Variants in FAM149A observed in about 807,000 individuals in gnomAD.
FAM149A encodes the protein protein FAM149A.
A neutral mutation model predicts 78.2 loss-of-function variants in FAM149A; 71 were observed. That is an observed-to-expected ratio of 0.91 (90% CI 0.75 to 1.11). FAM149A has a LOEUF of 1.11. Among genes scored for constraint, FAM149A ranks in the 50% least tolerant of loss-of-function variants. FAM149A has a pLI of 0.00. For missense variants in FAM149A, 1,036 were observed against 971.0 expected, an observed-to-expected ratio of 1.07 and a Z score of -0.89; for synonymous variants, 446 against 410.5, an observed-to-expected ratio of 1.09 and a Z score of -1.04.
At position 186,166,953 on chromosome 4, in the gene FAM149A, C is replaced by T. The variant is rs200091008; in HGVS notation, c.2011-15C>T. 1.2e-6 allele frequency: 2 copies of T among 1,607,458 alleles called. No homozygotes were observed. Among genetic ancestry groups the T allele is most frequent in the South Asian group, 2.2e-5 (2 of 89,892 alleles). On this transcript the variant is annotated splice_polypyrimidine_tract_variant and intron_variant, in intron 11 of 13. Coordinates refer to ENST00000389354, the MANE Select transcript of FAM149A (RefSeq NM_001367768.3). ...TGCATTTATTTTAAACAAGAACATA[C>T]TATCCTTCATTTAGTACAGAGGAAG...
chr4:186,147,926 A>G (rs1443003280), intron 1 of FAM149A, among the ~76,000 whole-genome samples: 2 of 152,302 alleles, frequency 1.3e-5, no homozygotes, highest in Admixed American at 6.5e-5. Context: ...AGCAACAAAG[A>G]GAATAAAAAC....
chr4:186,166,649 T>TA (rs76402174), intron 11 of FAM149A, among the ~76,000 whole-genome samples: 69,607 of 104,476 alleles, frequency 0.67, 24,992 homozygotes, highest in Non-Finnish European at 0.81. Context: ...AGACTCTGTT[T>TA]AAAAAAAAAA....
At chr4:186,116,347 C>T in intron 1 of FAM149A, 1 of 421,106 alleles carries the variant, frequency 2.4e-6, no homozygotes, top group Non-Finnish European at 3.2e-6. Flanking sequence ...CAGAAATCAC[C>T]CGTCTTCTGT....
rs1735583373 is a variant in FAM149A at position 186,172,067 on chromosome 4, A to G, written c.*80A>G. ...CTTGAAAAATGGAGGAACAAGTGTT[A>G]TATTTATCTGTGTGTCTGACAGTGT... is the stretch of plus-strand genomic sequence containing the variant. On this transcript the variant is annotated 3_prime_UTR_variant, in exon 14 of 14. Transcript: ENST00000389354. 6.4e-7 allele frequency: 1 copy of G among 1,563,906 alleles called. No homozygotes were observed. The highest frequency in any genetic ancestry group is 8.6e-7 in the Non-Finnish European group (1 of 1,158,904).
Position 186,105,462 on chromosome 4 carries a change from CGCCCTCGG to C in FAM149A, c.391_398del (p.Ser131ArgfsTer40). On this transcript the variant is annotated frameshift_variant, in exon 1 of 14. Coordinates refer to ENST00000389354, the MANE Select transcript of FAM149A (RefSeq NM_001367768.3). LOFTEE classifies it high-confidence loss of function. ...GCTCGCCTGGTGGTCCCAGCGCGGC[CGCCCTCGG>C]GCCCCGGCGGGGTCTGGGCCGCGCT... 1 of 1,214,484 alleles carries C rather than the reference CGCCCTCGG, an allele frequency of 8.2e-7. No individual in the cohort carries two copies. The highest frequency in any genetic ancestry group is 1.0e-6 in the Non-Finnish European group (1 of 958,076). The allele number at this position is 1,214,484 out of a possible 1,614,324, so 75.2% of individuals were successfully genotyped here. A position where few individuals can be genotyped will look rare whatever the true frequency, so the allele number is the denominator to read the frequency against.
At chr4:186,135,397 C>G (rs775222780) in intron 1 of FAM149A, among the ~76,000 whole-genome samples, 1 of 152,096 alleles carries the variant, frequency 6.6e-6, no homozygotes, top group Non-Finnish European at 1.5e-5. Flanking sequence ...AGGTAATAAT[C>G]AGTTCTCATT....
chr4:186,172,676 T>G lies in FAM149A; in HGVS notation c.*689T>G, dbSNP rs1735615032. The G allele has an allele frequency of 1.8e-5, 2 of 112,098 alleles. 1 individual carries two copies. 6.9% of individuals were successfully genotyped at this position (112,098 alleles called of 1,614,324 possible). A position where few individuals can be genotyped will look rare whatever the true frequency, so the allele number is the denominator to read the frequency against. ...CAATTAAAAGCTATGGCAGGTGATGTCATCTTTATTGTTTACAGTCGAAGC... is the reference window on the plus strand; with the variant it reads ...CAATTAAAAGCTATGGCAGGTGATGGCATCTTTATTGTTTACAGTCGAAGC... On this transcript the variant is annotated 3_prime_UTR_variant, in exon 14 of 14. Coordinates refer to ENST00000389354, the MANE Select transcript of FAM149A (RefSeq NM_001367768.3).
At chr4:186,130,954 A>G (rs541036694) in intron 1 of FAM149A, among the ~76,000 whole-genome samples, 1 of 152,224 alleles carries the variant, frequency 6.6e-6, no homozygotes, top group South Asian at 2.1e-4. Context: ...CCAAGTTCCT[A>G]TGTTAAGCCC....
chr4:186,161,347 G>A (rs954981177), intron 8 of FAM149A, among the ~76,000 whole-genome samples: 2 of 152,172 alleles, frequency 1.3e-5, no homozygotes, highest in Non-Finnish European at 2.9e-5. Context: ...AGACTGAAGG[G>A]ACACAGGCCT....
At chr4:186,136,963 TTTCTCTCTCTCTTTCTCTC>T (rs2099323192) in intron 1 of FAM149A, among the ~76,000 whole-genome samples, 18 of 103,354 alleles carry the variant, frequency 1.7e-4, no homozygotes, top group South Asian at 3.3e-4. Context: ...TCTCTCTCTC[TTTCTCTCTCTCTTTCTCTC>T]TCTCTCTCTC....
At position 186,105,113 on chromosome 4, in the gene FAM149A, G is replaced by T; in HGVS notation, c.37G>T (p.Ala13Ser). 3 of 1,281,726 alleles carry T rather than the reference G, an allele frequency of 2.3e-6. No homozygotes were observed. Among genetic ancestry groups the T allele is most frequent in the Non-Finnish European group, 3.0e-6 (3 of 985,498 alleles). 79.4% of individuals were successfully genotyped at this position (1,281,726 alleles called of 1,614,324 possible). A position where few individuals can be genotyped will look rare whatever the true frequency, so the allele number is the denominator to read the frequency against. Residue 13 changes from alanine (A) to serine (S), a missense_variant, in exon 1 of 14, where the codon GCC (alanine) becomes TCC (serine). This residue lies in a region of FAM149A where 316 missense variants were observed against 241.9 expected (regional missense o/e 1.31). Transcript: ENST00000389354. ...TGTGCTGGACCTTGGGTCTCTCTTG[G>T]CCAAACTCTTCGAGACCTCGACGGC... is the stretch of plus-strand genomic sequence containing the variant.
rs149745987 is a variant in FAM149A, at chr4:186,156,080, G to A, written c.1310G>A (p.Arg437His). 2.2e-3 allele frequency: 3,548 copies of A among 1,613,922 alleles called. 4 individuals carry two copies. Among genetic ancestry groups the A allele is most frequent in the Non-Finnish European group, 2.5e-3 (2,986 of 1,179,868 alleles). ...CTCGGACTTCCTCCTGTTTCCCCGC[G>A]TGACTGTGTCAAAGATGCCGTGGCA... is the stretch of plus-strand genomic sequence containing the variant. Residue 437 changes from arginine (R) to histidine (H), a missense_variant, in exon 7 of 14, where the codon CGT becomes CAT. Coordinates refer to ENST00000389354, the MANE Select transcript of FAM149A (RefSeq NM_001367768.3).
intron 1 of FAM149A, among the ~76,000 whole-genome samples, chr4:186,106,338 C>T (rs2150073437): frequency 6.6e-6 from 1 of 152,288 alleles, no homozygotes; most frequent in East Asian, 1.9e-4. Flanking sequence ...CCTTTCACTT[C>T]CAAGAGTCGT....
chr4:186,117,383 A>T (rs1024940455), intron 1 of FAM149A: 179 of 960,530 alleles, frequency 1.9e-4, no homozygotes, highest in Non-Finnish European at 2.1e-4. Flanking sequence ...TCTTATGAAA[A>T]AGCAGGAAAA....
chr4:186,105,491 G>T lies in FAM149A; in HGVS notation c.415G>T (p.Ala139Ser). 1 of 1,200,242 alleles carries T rather than the reference G, an allele frequency of 8.3e-7. No individual in the cohort carries two copies. 74.3% of individuals were successfully genotyped at this position (1,200,242 alleles called of 1,614,324 possible). ...CTCGGGCCCCGGCGGGGTCTGGGCC[G>T]CGCTCCCCAGGAACCCGCTCCAGCC... is the stretch of plus-strand genomic sequence containing the variant. Residue 139 changes from alanine (A) to serine (S), a missense_variant, in exon 1 of 14, where the codon GCG becomes TCG. Ala to Ser is a moderately conservative substitution (Grantham distance 99). Transcript: ENST00000389354.
In FAM149A at chr4:186,174,496, GATAAAAT is replaced by G; in HGVS notation, c.*2510_*2516del. ...ACTAACATTAAGGTAGGGTATCCAAGATAAAATGTTTTTTCTTTGAAAACCACTGAAT... is the reference window on the plus strand; with the variant it reads ...ACTAACATTAAGGTAGGGTATCCAAGGTTTTTTCTTTGAAAACCACTGAAT... On this transcript the variant is annotated 3_prime_UTR_variant, in exon 14 of 14. Transcript: ENST00000389354. 1.8e-5 allele frequency among the ~76,000 whole-genome samples: 2 copies of G among 111,578 alleles called. 1 individual carries two copies. The highest frequency in any genetic ancestry group is 4.5e-5 in the Non-Finnish European group (2 of 44,300). The allele number at this position is 111,578 out of a possible 152,430, so 73.2% of individuals were successfully genotyped here. A position where few individuals can be genotyped will look rare whatever the true frequency, so the allele number is the denominator to read the frequency against.
intron 1 of FAM149A, chr4:186,127,422 T>G (rs2099318794): frequency 1.0e-6 from 1 of 985,298 alleles, no homozygotes; most frequent in Non-Finnish European, 1.2e-6. Flanking sequence ...TGATGACTGC[T>G]TCTGTCACAG....
chr4:186,171,819 T>G, intron 13 of FAM149A, 95 bp from the exon 14 acceptor site: 1 of 827,546 alleles, frequency 1.2e-6, no homozygotes, highest in East Asian at 3.1e-5. Flanking sequence ...AAATATATAT[T>G]TTAAAGTATT....
intron 1 of FAM149A, chr4:186,110,153 T>G (rs990039823): frequency 2.0e-6 from 2 of 985,432 alleles, no homozygotes; most frequent in African/African-American, 3.5e-5. Context: ...TTAGCAAATA[T>G]TTATTGAATG....
Sources: gnomAD v4.1 joint callset for allele counts (sites outside exome capture counted in the v4.1 genomes callset) on GRCh38, gnomAD v4.1.1 for gene constraint, gnomAD v4.1.1 regional missense constraint, MANE v1.5 for transcripts, NCBI Gene and HGNC (gene_info 2026-07-23, HGNC 2026-07-21) for gene names.